PCDHA6: variants seen among roughly 807,000 people sequenced by gnomAD.
PCDHA6 encodes protocadherin alpha 6, also known as protocadherin alpha-6.
Under a neutral mutation model 60.3 loss-of-function variants are expected in PCDHA6, and 55 were observed. The ratio of observed to expected loss-of-function variants is 0.91; its 90% CI spans 0.73 to 1.14. The LOEUF (loss-of-function observed/expected upper bound fraction) is 1.14. PCDHA6 is among the 50% of genes most tolerant of loss of function. The pLI is 0.00. For synonymous variants in PCDHA6, 652 were observed against 557.9 expected, an observed-to-expected ratio of 1.17 and a Z score of -2.38; for missense variants, 1,327 against 1,256.5, an observed-to-expected ratio of 1.06 and a Z score of -0.85.
intron 1 of PCDHA6, chr5:140,876,229 GA>G: frequency 1.9e-6 from 3 of 1,613,978 alleles, no homozygotes; most frequent in Non-Finnish European, 2.5e-6. Context: ...AGTGTTGTCT[GA>G]AAATGTCCAA....
rs114741049 is a variant in PCDHA6, at chr5:140,830,663, G to C, written c.2394+178G>C. ...TGCTTCTTTAATATTCATAATTTAAGTGAAATTAGAAATCACTGTCCACAA... is the reference window on the plus strand; with the variant it reads ...TGCTTCTTTAATATTCATAATTTAACTGAAATTAGAAATCACTGTCCACAA... On this transcript the variant is annotated intron_variant, in intron 1 of 3. Coordinates refer to ENST00000529310, the MANE Select transcript of PCDHA6 (RefSeq NM_018909.4). 2.0e-3 allele frequency: 827 copies of C among 406,220 alleles called. 12 individuals are homozygous for C. Among genetic ancestry groups the C allele is most frequent in the African/African-American group, 0.016 (756 of 47,898 alleles). 25.2% of individuals were successfully genotyped at this position (406,220 alleles called of 1,614,324 possible). A position where few individuals can be genotyped will look rare whatever the true frequency, so the allele number is the denominator to read the frequency against.
chr5:140,898,147 C>G (rs2066556304), intron 1 of PCDHA6, among the ~76,000 whole-genome samples: 1 of 152,150 alleles, frequency 6.6e-6, no homozygotes, highest in Non-Finnish European at 1.5e-5. Context: ...GTTGCCTGTT[C>G]ACGCTGATGG....
At chr5:140,976,330 T>C (rs139191853) in intron 1 of PCDHA6, among the ~76,000 whole-genome samples, 1 of 152,088 alleles carries the variant, frequency 6.6e-6, no homozygotes, top group Non-Finnish European at 1.5e-5. Flanking sequence ...GAGGGTGGAT[T>C]GCCTGAGGTC....
chr5:140,992,258 A>G (rs1316409303), intron 3 of PCDHA6, among the ~76,000 whole-genome samples: 1 of 152,168 alleles, frequency 6.6e-6, no homozygotes, highest in African/African-American at 2.4e-5. Flanking sequence ...GCTAAAGATG[A>G]AAGTTCTTTT....
chr5:140,967,974 G>A (rs782644202), intron 1 of PCDHA6: 3 of 1,614,204 alleles, frequency 1.9e-6, no homozygotes, highest in South Asian at 1.1e-5. Flanking sequence ...GTGAGCCTGG[G>A]TCTGGAGGCC....
rs782773036 is a variant in PCDHA6 at position 140,870,430 on chromosome 5, G to T, written c.2394+39945G>T. 3 of 1,614,226 alleles carry T rather than the reference G, an allele frequency of 1.9e-6. No homozygotes were observed. In the African/African-American group the frequency reaches 4.0e-5, roughly 22 times the overall value. The stretch of plus-strand genomic sequence containing the variant: ...GTGGGCCACGGCCAGGGTATCCGTG[G>T]AGGTGGCCGACGTGAACGACAATGC... On this transcript the variant is annotated intron_variant, in intron 1 of 3. Transcript: ENST00000529310.
chr5:140,925,124 A>AGGAAGGAAGG (rs1554202565), intron 1 of PCDHA6, among the ~76,000 whole-genome samples: 1 of 151,854 alleles, frequency 6.6e-6, no homozygotes. Flanking sequence ...GAAGGAAGGA[A>AGGAAGGAAGG]AAAAAATTTC....
intron 1 of PCDHA6, among the ~76,000 whole-genome samples, chr5:140,958,384 C>G (rs1352428582): frequency 6.6e-6 from 1 of 152,098 alleles, no homozygotes; most frequent in Non-Finnish European, 1.5e-5. Context: ...ATTTTCTTAA[C>G]AGGTCATCAA....
At chr5:140,929,205 G>T in intron 1 of PCDHA6, 1 of 1,614,120 alleles carries the variant, frequency 6.2e-7, no homozygotes, top group Non-Finnish European at 8.5e-7. Flanking sequence ...GTTTGCTGTT[G>T]CGTGGGGAGT....
At chr5:140,841,678 G>T (rs1451404263) in intron 1 of PCDHA6, 5 of 1,613,862 alleles carry the variant, frequency 3.1e-6, no homozygotes, top group Middle Eastern at 1.6e-4. Flanking sequence ...TTTTCCATGT[G>T]GACGTGGAGG....
At chr5:140,966,709 G>T in intron 1 of PCDHA6, 2 of 1,387,174 alleles carry the variant, frequency 1.4e-6, no homozygotes, top group Non-Finnish European at 1.9e-6. Flanking sequence ...CGTGGGGCAC[G>T]GCTGGGGAAG....
intron 1 of PCDHA6, among the ~76,000 whole-genome samples, chr5:140,919,543 T>C (rs2079190617): frequency 6.6e-6 from 1 of 152,200 alleles, no homozygotes; most frequent in Non-Finnish European, 1.5e-5. Context: ...ATACTTTTCA[T>C]TTACTGATTT....
chr5:140,884,988 ATGTT>A (rs1398620689), intron 1 of PCDHA6, among the ~76,000 whole-genome samples: 1 of 152,242 alleles, frequency 6.6e-6, no homozygotes, highest in Non-Finnish European at 1.5e-5. Context: ...CATTTAGAAA[ATGTT>A]TGTTTTAATG....
rs1440193758 is a variant in PCDHA6 at position 140,844,281 on chromosome 5, T to C, written c.2394+13796T>C. ...AGTGATAAAATACAGAATGATAGTG[T>C]TTTTCAAAATTTGATAGTTTTCATA... On this transcript the variant is annotated intron_variant, in intron 1 of 3. Coordinates refer to ENST00000529310, the MANE Select transcript of PCDHA6 (RefSeq NM_018909.4). Among the ~76,000 whole-genome samples the C allele has an allele frequency of 1.3e-5, 2 of 149,114 alleles. 1 individual carries two copies. Among genetic ancestry groups the C allele is most frequent in the Non-Finnish European group, 3.0e-5 (2 of 66,432 alleles).
At chr5:140,943,386 A>G (rs1245126281) in intron 1 of PCDHA6, among the ~76,000 whole-genome samples, 2 of 152,154 alleles carry the variant, frequency 1.3e-5, no homozygotes, top group African/African-American at 4.8e-5. Flanking sequence ...CAGGTAAGAA[A>G]TTATGGATAT....
At chr5:140,843,522 CG>C (rs1554140172) in intron 1 of PCDHA6, 1 of 1,595,680 alleles carries the variant, frequency 6.3e-7, no homozygotes, top group Non-Finnish European at 8.6e-7. Flanking sequence ...GGGTGCCGGG[CG>C]GGCAAGCCCA....
intron 1 of PCDHA6, chr5:140,850,406 G>A (rs1200115176): frequency 1.9e-6 from 3 of 1,597,826 alleles, no homozygotes; most frequent in African/African-American, 1.3e-5. Flanking sequence ...CGCGTGCCCT[G>A]GACGAAACGG....
intron 1 of PCDHA6, chr5:140,835,612 A>C (rs1226937699): frequency 1.9e-6 from 3 of 1,613,770 alleles, no homozygotes; most frequent in Non-Finnish European, 1.7e-6. Context: ...TTGGTGCTGG[A>C]CAGCGCTCTG....
At chr5:140,944,089 A>G (rs2093608705) in intron 1 of PCDHA6, among the ~76,000 whole-genome samples, 2 of 152,250 alleles carry the variant, frequency 1.3e-5, no homozygotes, top group Non-Finnish European at 1.5e-5. Context: ...AGGCCTGAGT[A>G]AGTTTATATC....
Sources: allele counts gnomAD v4.1 joint callset (sites outside exome capture counted in the v4.1 genomes callset), GRCh38; gene constraint gnomAD v4.1.1; transcripts MANE v1.5; gene names NCBI Gene and HGNC (gene_info 2026-07-23, HGNC 2026-07-21).